MAPKAP1: variants seen among roughly 807,000 people sequenced by gnomAD.
MAPKAP1 encodes the protein target of rapamycin complex 2 subunit MAPKAP1.
In MAPKAP1, 20 loss-of-function variants were observed where a neutral mutation model predicts 65.7. That is an observed-to-expected ratio of 0.30 (90% CI 0.21 to 0.44). The LOEUF is 0.44. MAPKAP1 is among the 20% of genes least tolerant of loss of function. The pLI is 1.00. For missense variants in MAPKAP1, 423 were observed against 648.0 expected, an observed-to-expected ratio of 0.65 and a Z score of 3.77; for synonymous variants, 222 against 244.3, an observed-to-expected ratio of 0.91 and a Z score of 0.85.
intron 4 of MAPKAP1, among the ~76,000 whole-genome samples, chr9:125,631,404 TCTA>T (rs1332944139): frequency 6.6e-6 from 1 of 152,180 alleles, no homozygotes; most frequent in Non-Finnish European, 1.5e-5. Flanking sequence ...CAAGAACCCT[TCTA>T]CTATTTTCAG....
chr9:125,535,378 C>T (rs1830043471), intron 7 of MAPKAP1, among the ~76,000 whole-genome samples: 1 of 152,178 alleles, frequency 6.6e-6, no homozygotes, highest in Non-Finnish European at 1.5e-5. Flanking sequence ...TATACATCTG[C>T]TTGACAATTT....
At chr9:125,602,729 C>T (rs1434237580) in intron 4 of MAPKAP1, among the ~76,000 whole-genome samples, 1 of 152,158 alleles carries the variant, frequency 6.6e-6, no homozygotes, top group Admixed American at 6.5e-5. Context: ...ACTTTTCATA[C>T]ATTATCTCAT....
Position 125,577,991 on chromosome 9 carries a change from G to A in MAPKAP1, c.671+7564C>T, listed in dbSNP as rs536685501. On this transcript the variant is annotated intron_variant, in intron 5 of 11. Coordinates refer to ENST00000265960, the MANE Select transcript of MAPKAP1 (RefSeq NM_001006617.3). ...AATGGCGGTTTTGTGGAATAGAAAG[G>A]GGGGAAAGGTGGGGAAAAGATTGAG... is the stretch of plus-strand genomic sequence containing the variant. 3.0e-3 allele frequency among the ~76,000 whole-genome samples: 454 copies of A among 151,844 alleles called. 2 individuals carry two copies. The highest frequency in any genetic ancestry group is 6.8e-3 in the Middle Eastern group (2 of 294).
At chr9:125,525,874 G>A (rs775087619) in intron 7 of MAPKAP1, among the ~76,000 whole-genome samples, 56 of 152,110 alleles carry the variant, frequency 3.7e-4, no homozygotes, top group Non-Finnish European at 4.7e-4. Context: ...CTCAAAGACA[G>A]AGAATGACCA....
chr9:125,449,593 T>A (rs916995573), intron 10 of MAPKAP1, among the ~76,000 whole-genome samples: 4 of 152,194 alleles, frequency 2.6e-5, no homozygotes, highest in African/African-American at 9.7e-5. Flanking sequence ...TTTACACTTA[T>A]GTAAGTTTTT....
chr9:125,682,128 A>T (rs1000626776), intron 1 of MAPKAP1, among the ~76,000 whole-genome samples: 1 of 152,238 alleles, frequency 6.6e-6, no homozygotes, highest in Non-Finnish European at 1.5e-5. Context: ...TTGATACTTC[A>T]GGAAAATGTA....
chr9:125,449,004 C>CAAAAA (rs11358978), intron 10 of MAPKAP1, among the ~76,000 whole-genome samples: 2 of 89,052 alleles, frequency 2.2e-5, no homozygotes, highest in Non-Finnish European at 4.7e-5. Flanking sequence ...GACTCTGTCT[C>CAAAAA]AAAAAAAAAA....
intron 1 of MAPKAP1, among the ~76,000 whole-genome samples, chr9:125,687,950 C>A (rs1189001958): frequency 3.9e-5 from 6 of 152,164 alleles, no homozygotes; most frequent in Non-Finnish European, 5.9e-5. Flanking sequence ...CAAAAGACAG[C>A]AACAACATAA....
intron 1 of MAPKAP1, among the ~76,000 whole-genome samples, chr9:125,690,477 G>A (rs538517534): frequency 2.0e-5 from 3 of 152,222 alleles, no homozygotes; most frequent in African/African-American, 7.2e-5. Flanking sequence ...CCTGGCATTC[G>A]TGGTGGGACC....
intron 8 of MAPKAP1, among the ~76,000 whole-genome samples, chr9:125,492,770 A>G (rs1050811958): frequency 5.3e-5 from 8 of 152,220 alleles, no homozygotes; most frequent in Non-Finnish European, 7.3e-5. Flanking sequence ...CTCTTCTCTA[A>G]AAAGATCTAT....
chr9:125,620,262 C>T (rs1487660071), intron 4 of MAPKAP1, among the ~76,000 whole-genome samples: 3 of 152,058 alleles, frequency 2.0e-5, no homozygotes, highest in African/African-American at 7.2e-5. Context: ...GAGCTGAGAT[C>T]GCACCACTGC....
At chr9:125,657,832 G>A (rs1834074431) in intron 3 of MAPKAP1, 33 bp from the exon 4 acceptor site, 1 of 1,603,606 alleles carries the variant, frequency 6.2e-7, no homozygotes. Context: ...ACATCTTTGT[G>A]ATTACACAGA....
At chr9:125,546,354 C>T (rs1830424134) in intron 6 of MAPKAP1, among the ~76,000 whole-genome samples, 1 of 152,180 alleles carries the variant, frequency 6.6e-6, no homozygotes, top group Non-Finnish European at 1.5e-5. Context: ...CAGACGAATG[C>T]CAACTTTGGA....
intron 4 of MAPKAP1, among the ~76,000 whole-genome samples, chr9:125,590,993 C>T (rs561782256): frequency 2.0e-5 from 3 of 152,124 alleles, no homozygotes; most frequent in Admixed American, 2.0e-4. Flanking sequence ...AGGCTGGTCT[C>T]GAACTCCTGA....
intron 1 of MAPKAP1, among the ~76,000 whole-genome samples, chr9:125,705,676 A>G (rs1238710608): frequency 2.0e-5 from 3 of 152,180 alleles, no homozygotes; most frequent in African/African-American, 4.8e-5. Flanking sequence ...GATAAAAATG[A>G]GCGCTTATAG....
intron 5 of MAPKAP1, among the ~76,000 whole-genome samples, chr9:125,561,945 G>C (rs1376333378): frequency 6.6e-6 from 1 of 152,204 alleles, no homozygotes; most frequent in African/African-American, 2.4e-5. Context: ...ACACACAACT[G>C]TAATGGGAGT....
At chr9:125,493,303 T>A (rs13288032) in intron 8 of MAPKAP1, among the ~76,000 whole-genome samples, 49,466 of 152,188 alleles carry the variant, frequency 0.33, 8,721 homozygotes, top group Middle Eastern at 0.42. Context: ...GGTCAGAATG[T>A]CCTTTATGCT....
At chr9:125,456,944 C>CA (rs1375147898) in intron 10 of MAPKAP1, among the ~76,000 whole-genome samples, 1 of 151,892 alleles carries the variant, frequency 6.6e-6, no homozygotes, top group African/African-American at 2.4e-5. Context: ...ATAAGTAATG[C>CA]ACTGATCTTT....
chr9:125,447,764 G>C lies in MAPKAP1; in HGVS notation c.1346-3166C>G, dbSNP rs1487663162. Among the ~76,000 whole-genome samples, 1 of 152,216 alleles carries C rather than the reference G, an allele frequency of 6.6e-6. No individual in the cohort carries two copies. The highest frequency in any genetic ancestry group is 2.4e-5 in the African/African-American group (1 of 41,450). ...ACACCAAGGCAGAAGCACCTGGCCAGAGGTGGAGAAGAGCCACTAGGGACA... is the reference window on the plus strand; with the variant it reads ...ACACCAAGGCAGAAGCACCTGGCCACAGGTGGAGAAGAGCCACTAGGGACA... On this transcript the variant is annotated intron_variant, in intron 10 of 11. Coordinates refer to ENST00000265960, the MANE Select transcript of MAPKAP1 (RefSeq NM_001006617.3). The surrounding 1 kb of genome is among the most constrained non-coding windows in gnomAD (Gnocchi z 4.5).
Sources: gnomAD v4.1 joint callset for allele counts (sites outside exome capture counted in the v4.1 genomes callset) on GRCh38, gnomAD v4.1.1 for gene constraint, Gnocchi (gnomAD v3.1) non-coding constraint, MANE v1.5 for transcripts, NCBI Gene and HGNC (gene_info 2026-07-23, HGNC 2026-07-21) for gene names.